The following SWT1 variants were observed in gnomAD, a reference collection of about 807,000 sequenced individuals.
SWT1 encodes transcriptional protein SWT1.
SWT1 carries 33 observed loss-of-function variants against 107.3 expected under a neutral mutation model. The observed-to-expected ratio is 0.31, with a 90% CI of 0.23 to 0.41. The LOEUF is 0.41. Ranked by LOEUF, SWT1 falls within the 10% of genes least tolerant of loss-of-function variation. SWT1 has a pLI of 1.00. For synonymous variants in SWT1, 345 were observed against 348.3 expected (o/e 0.99, Z 0.11); for missense variants, 898 against 1,028.9 (o/e 0.87, Z 1.74).
chr1:185,269,894 AT>A (rs1663725118), intron 16 of SWT1, among the ~76,000 whole-genome samples: 1 of 152,344 alleles, frequency 6.6e-6, no homozygotes, highest in African/African-American at 2.4e-5. Context: ...TAAATTAAAA[AT>A]ATTACAAGTC....
At chr1:185,204,183 C>T (rs1412095191) in intron 11 of SWT1, among the ~76,000 whole-genome samples, 1 of 151,866 alleles carries the variant, frequency 6.6e-6, no homozygotes, top group Non-Finnish European at 1.5e-5. Context: ...GGTGCTGAGG[C>T]AGGAGAATCT....
Position 185,181,187 on chromosome 1 carries a change from G to A in SWT1, c.1026+737G>A, listed in dbSNP as rs571397946. Reference sequence around the variant, plus strand: ...GGAGGCTGAGGCAGGAGACTTACTGGAGCCCGGGAGATGGAGGTTGCAGTG... The same window carrying A: ...GGAGGCTGAGGCAGGAGACTTACTGAAGCCCGGGAGATGGAGGTTGCAGTG... On this transcript the variant is annotated intron_variant, in intron 6 of 18. Coordinates refer to ENST00000367500, the MANE Select transcript of SWT1 (RefSeq NM_017673.7). 7.9e-5 allele frequency among the ~76,000 whole-genome samples: 12 copies of A among 152,270 alleles called. No individual in the cohort carries two copies. The East Asian group carries it at 2.1e-3, about 27-fold the overall frequency.
At chr1:185,264,707 CAG>C (rs1191854967) in intron 16 of SWT1, among the ~76,000 whole-genome samples, 1 of 152,090 alleles carries the variant, frequency 6.6e-6, no homozygotes, top group Non-Finnish European at 1.5e-5. Context: ...TGGCTGACTC[CAG>C]AGAGACTGTG....
chr1:185,251,104 T>G (rs1321523535), intron 16 of SWT1, among the ~76,000 whole-genome samples: 1 of 152,236 alleles, frequency 6.6e-6, no homozygotes, highest in Non-Finnish European at 1.5e-5. Flanking sequence ...AATGGTGGTG[T>G]GCATGGAAAA....
intron 14 of SWT1, among the ~76,000 whole-genome samples, chr1:185,218,468 C>A (rs1558049325): frequency 6.6e-6 from 1 of 152,072 alleles, no homozygotes; most frequent in Admixed American, 6.6e-5. Context: ...TGCCACAATG[C>A]TGAGCTAATT....
chr1:185,229,883 A>G (rs184740049), intron 15 of SWT1, among the ~76,000 whole-genome samples: 109 of 152,304 alleles, frequency 7.2e-4, no homozygotes, highest in African/African-American at 2.6e-3. Context: ...AGGCAAATCC[A>G]TAGAGACAGA....
intron 16 of SWT1, chr1:185,264,342 C>T (rs1663234266): frequency 1.0e-6 from 1 of 984,940 alleles, no homozygotes; most frequent in African/African-American, 1.7e-5. Context: ...CATTACCGTT[C>T]ATATGGATGA....
Position 185,174,914 on chromosome 1 carries a change from A to G in SWT1, c.767A>G (p.Asp256Gly), listed in dbSNP as rs1323561817. The change falls in exon 5 of 19, where the codon GAT becomes GGT. Residue 256 changes from aspartate (D) to glycine (G), a missense_variant. This residue lies in a region of SWT1 where 382 missense variants were observed against 362.4 expected (regional missense o/e 1.05). Transcript: ENST00000367500. ...KLVEENVFNI[D>G]SNNSKTKQEE... ...GTAGAAGAAAATGTCTTCAACATAG[A>G]TTCTAATAATTCGAAGACTAAGCAG... 8 of 1,614,010 alleles carry G rather than the reference A, an allele frequency of 5.0e-6. No individual in the cohort carries two copies. Among genetic ancestry groups the G allele is most frequent in the Non-Finnish European group, 6.8e-6 (8 of 1,179,970 alleles).
chr1:185,193,335 G>T (rs549311430), intron 10 of SWT1, among the ~76,000 whole-genome samples: 1 of 152,066 alleles, frequency 6.6e-6, no homozygotes, highest in African/African-American at 2.4e-5. Context: ...TTTAGTGAAT[G>T]TTTTCTGTGT....
chr1:185,258,448 T>C (rs1571642979), intron 16 of SWT1, among the ~76,000 whole-genome samples: 2 of 152,284 alleles, frequency 1.3e-5, no homozygotes, highest in Middle Eastern at 3.4e-3. Context: ...GCTTCCTTCA[T>C]TTTACTCATT....
chr1:185,253,663 C>T (rs1662236947), intron 16 of SWT1, among the ~76,000 whole-genome samples: 1 of 152,098 alleles, frequency 6.6e-6, no homozygotes, highest in African/African-American at 2.4e-5. Context: ...TGCTTATCCG[C>T]TTAAGGAGAT....
intron 18 of SWT1, among the ~76,000 whole-genome samples, chr1:185,277,479 G>A (rs1034057526): frequency 6.1e-4 from 93 of 152,012 alleles, no homozygotes; most frequent in African/African-American, 2.0e-3. Context: ...TAGTAGAGAC[G>A]GAGTTTCACC....
intron 13 of SWT1, among the ~76,000 whole-genome samples, chr1:185,209,911 G>A (rs542085636): frequency 4.6e-5 from 7 of 152,144 alleles, no homozygotes; most frequent in Admixed American, 3.3e-4. Flanking sequence ...TTTAATGATC[G>A]CCATTCTAAC....
At position 185,258,281 on chromosome 1, in the gene SWT1, C is replaced by T. The variant is rs543708315; in HGVS notation, c.2442-13042C>T. On this transcript the variant is annotated intron_variant, in intron 16 of 18. Transcript: ENST00000367500. Reference sequence around the variant, plus strand: ...CTTTGAGTTCTGATCTCCATCCTCTCATCTTTCCTCTCCTTATTTTCTAAC... The same window carrying T: ...CTTTGAGTTCTGATCTCCATCCTCTTATCTTTCCTCTCCTTATTTTCTAAC... 1.7e-3 allele frequency among the ~76,000 whole-genome samples: 265 copies of T among 152,188 alleles called. 2 individuals carry two copies. The South Asian group carries it at 0.028, about 16-fold the overall frequency.
chr1:185,186,533 A>G (rs1466966484), intron 9 of SWT1, among the ~76,000 whole-genome samples: 1 of 152,184 alleles, frequency 6.6e-6, no homozygotes, highest in East Asian at 1.9e-4. Context: ...GAGAAGTTAC[A>G]TACATTGCTA....
At position 185,214,382 on chromosome 1, in the gene SWT1, G is replaced by A. The variant is rs1659056869; in HGVS notation, c.1973-125G>A. On this transcript the variant is annotated intron_variant, in intron 13 of 18. Coordinates refer to ENST00000367500, the MANE Select transcript of SWT1 (RefSeq NM_017673.7). The stretch of plus-strand genomic sequence containing the variant: ...TTTTTGTACCAGAGGGATAACTTAG[G>A]AGTGGCATATAGGTATAAATGTATA... 7 of 559,848 alleles carry A rather than the reference G, an allele frequency of 1.3e-5. No individual in the cohort carries two copies. In the South Asian group the frequency reaches 2.6e-4, roughly 20 times the overall value. 34.7% of individuals were successfully genotyped at this position (559,848 alleles called of 1,614,324 possible). A position where few individuals can be genotyped will look rare whatever the true frequency, so the allele number is the denominator to read the frequency against.
At chr1:185,168,061 C>CA (rs1354192590) in intron 3 of SWT1, among the ~76,000 whole-genome samples, 1 of 152,134 alleles carries the variant, frequency 6.6e-6, no homozygotes, top group African/African-American at 2.4e-5. Context: ...CCAGTTTCCT[C>CA]AGAGTACGTA....
intron 1 of SWT1, chr1:185,157,564 GC>G (rs11360965): frequency 1 from 152,994 of 152,994 alleles, 76,497 homozygotes; most frequent in Non-Finnish European, 1. Flanking sequence ...GAGCCCGCGG[GC>G]CCGCGGCGGT....
At chr1:185,236,905 T>G (rs1660925283) in intron 16 of SWT1, among the ~76,000 whole-genome samples, 1 of 152,114 alleles carries the variant, frequency 6.6e-6, no homozygotes, top group Admixed American at 6.5e-5. Flanking sequence ...GCAAATGATA[T>G]GAACAGACAC....
Sources: gnomAD v4.1 joint callset for allele counts (sites outside exome capture counted in the v4.1 genomes callset) on GRCh38, gnomAD v4.1.1 for gene constraint, gnomAD v4.1.1 regional missense constraint, MANE v1.5 for transcripts, NCBI Gene and HGNC (gene_info 2026-07-23, HGNC 2026-07-21) for gene names.